The following HSF2BP variants were observed in gnomAD, a reference collection of about 807,000 sequenced individuals.
HSF2BP encodes the protein heat shock transcription factor 2 binding protein.
HSF2BP carries 35 observed loss-of-function variants against 35.0 expected under a neutral mutation model. The observed-to-expected ratio is 1.00, with a 90% CI of 0.76 to 1.32. The LOEUF is 1.32. Among genes scored for constraint, HSF2BP ranks in the 40% most tolerant of loss-of-function variants. HSF2BP has a pLI of 0.00. For synonymous variants in HSF2BP, 114 were observed against 117.4 expected, an observed-to-expected ratio of 0.97 and a Z score of 0.18; for missense variants, 326 against 321.7, an observed-to-expected ratio of 1.01 and a Z score of -0.10.
intron 7 of HSF2BP, among the ~76,000 whole-genome samples, chr21:43,600,812 G>A (rs953196043): frequency 5.9e-5 from 9 of 152,168 alleles, no homozygotes; most frequent in Admixed American, 3.9e-4. Flanking sequence ...ACCCAAAGGC[G>A]TGCTTCAGGG....
chr21:43,501,392 GCTGT>G, the HSF2BP span, among the ~76,000 whole-genome samples: 2 of 91,198 alleles, frequency 2.2e-5, 1 homozygote, highest in Non-Finnish European at 4.2e-5. Context: ...TCACTCTGTA[GCTGT>G]CTTTTTTTTT....
intron 7 of HSF2BP, among the ~76,000 whole-genome samples, chr21:43,607,454 C>T (rs1357939940): frequency 1.3e-5 from 2 of 152,078 alleles, no homozygotes; most frequent in Admixed American, 6.6e-5. Flanking sequence ...TCATAGATGA[C>T]ACAACTGGAA....
At chr21:43,647,006 C>G (rs1048261786) in intron 3 of HSF2BP, among the ~76,000 whole-genome samples, 1 of 152,176 alleles carries the variant, frequency 6.6e-6, no homozygotes, top group Non-Finnish European at 1.5e-5. Flanking sequence ...ATATAGTAGG[C>G]AATACATAAA....
the HSF2BP span, among the ~76,000 whole-genome samples, chr21:43,468,056 C>A: frequency 7.1e-6 from 1 of 140,792 alleles, no homozygotes; most frequent in African/African-American, 2.7e-5. Context: ...AACCATACCA[C>A]ACACACCATA....
chr21:43,586,393 A>T (rs1240687652), intron 8 of HSF2BP, among the ~76,000 whole-genome samples: 1 of 152,224 alleles, frequency 6.6e-6, no homozygotes, highest in Non-Finnish European at 1.5e-5. Context: ...ACTTGAAAGT[A>T]ACCTGCCACC....
chr21:43,577,946 T>C (rs1019637203), intron 8 of HSF2BP, among the ~76,000 whole-genome samples: 2 of 152,194 alleles, frequency 1.3e-5, no homozygotes, highest in African/African-American at 4.8e-5. Flanking sequence ...TTGTGAGATC[T>C]ACTCCCTGCC....
At chr21:43,603,045 C>A (rs2082070323) in intron 7 of HSF2BP, among the ~76,000 whole-genome samples, 1 of 152,138 alleles carries the variant, frequency 6.6e-6, no homozygotes, top group Non-Finnish European at 1.5e-5. Context: ...AAAAAAATAA[C>A]CCGGCCTCCA....
At chr21:43,591,180 T>G (rs747941137) in intron 8 of HSF2BP, among the ~76,000 whole-genome samples, 1 of 152,144 alleles carries the variant, frequency 6.6e-6, no homozygotes, top group Non-Finnish European at 1.5e-5. Context: ...TATGATGAAA[T>G]TGGGACAGAA....
the HSF2BP span, among the ~76,000 whole-genome samples, chr21:43,501,041 G>A: frequency 8.4e-6 from 1 of 119,118 alleles, no homozygotes; most frequent in East Asian, 2.2e-4. Flanking sequence ...CCCAAGCGCT[G>A]CCCTCTCAGA....
chr21:43,648,194 C>A (rs2082734948), intron 3 of HSF2BP, among the ~76,000 whole-genome samples: 1 of 152,100 alleles, frequency 6.6e-6, no homozygotes, highest in African/African-American at 2.4e-5. Flanking sequence ...CAATCTCCAC[C>A]CTGATCTGTG....
At chr21:43,643,212 C>G (rs577312638) in intron 4 of HSF2BP, among the ~76,000 whole-genome samples, 34 of 152,140 alleles carry the variant, frequency 2.2e-4, no homozygotes, top group African/African-American at 7.5e-4. Flanking sequence ...AAATTAATTA[C>G]ATGTACTTCT....
At chr21:43,578,765 GC>G (rs1218959428) in intron 8 of HSF2BP, among the ~76,000 whole-genome samples, 1 of 152,172 alleles carries the variant, frequency 6.6e-6, no homozygotes, top group Non-Finnish European at 1.5e-5. Context: ...GTTAGATGGG[GC>G]TAGGGCGCCT....
chr21:43,652,068 C>T (rs1320080629), intron 3 of HSF2BP, among the ~76,000 whole-genome samples: 1 of 152,192 alleles, frequency 6.6e-6, no homozygotes, highest in African/African-American at 2.4e-5. Flanking sequence ...CTACTCCTTC[C>T]CTGCCTGTAT....
At chr21:43,605,848 T>C (rs1164459900) in intron 7 of HSF2BP, among the ~76,000 whole-genome samples, 1 of 148,800 alleles carries the variant, frequency 6.7e-6, no homozygotes. Flanking sequence ...AATACCCACA[T>C]ACACATACAC....
intron 8 of HSF2BP, among the ~76,000 whole-genome samples, chr21:43,581,342 C>T (rs1009662734): frequency 2.6e-5 from 4 of 151,020 alleles, no homozygotes; most frequent in Non-Finnish European, 5.9e-5. Context: ...GCCAAGATCA[C>T]GCCTCTGAAC....
intron 4 of HSF2BP, among the ~76,000 whole-genome samples, chr21:43,639,862 A>G (rs1156581236): frequency 6.6e-6 from 1 of 152,230 alleles, no homozygotes; most frequent in Non-Finnish European, 1.5e-5. Flanking sequence ...TATCAGTAAT[A>G]GAAAAAAAAA....
At chr21:43,646,128 G>A (rs1470332178) in intron 3 of HSF2BP, among the ~76,000 whole-genome samples, 4 of 149,642 alleles carry the variant, frequency 2.7e-5, no homozygotes, top group Middle Eastern at 3.4e-3. Flanking sequence ...GACCAGCCAG[G>A]GTAAGACTCC....
chr21:43,657,473 G>T (rs1330357939), intron 2 of HSF2BP, among the ~76,000 whole-genome samples: 2 of 152,194 alleles, frequency 1.3e-5, no homozygotes, highest in African/African-American at 2.4e-5. Flanking sequence ...GTTTCCTACT[G>T]GGTTTGCCAA....
intron 8 of HSF2BP, among the ~76,000 whole-genome samples, chr21:43,590,876 G>A (rs1301182080): frequency 6.6e-6 from 1 of 152,116 alleles, no homozygotes; most frequent in Non-Finnish European, 1.5e-5. Context: ...GACCACAAAG[G>A]GGCACAAAGT....
Sources: allele counts gnomAD v4.1 joint callset (sites outside exome capture counted in the v4.1 genomes callset), GRCh38; gene constraint gnomAD v4.1.1; transcripts MANE v1.5; gene names NCBI Gene and HGNC (gene_info 2026-07-23, HGNC 2026-07-21).